HSF5: variants seen among roughly 807,000 people sequenced by gnomAD.
HSF5 encodes heat shock transcription factor 5.
A neutral mutation model predicts 50.8 loss-of-function variants in HSF5; 5 were observed. That is an observed-to-expected ratio of 0.10 (90% CI 0.05 to 0.21). The LOEUF (loss-of-function observed/expected upper bound fraction) is 0.21, where lower values mean the gene tolerates loss of function less well. HSF5 is among the 10% of genes least tolerant of loss of function. HSF5 has a pLI of 1.00. For missense variants in HSF5, 564 were observed against 762.6 expected, an observed-to-expected ratio of 0.74 and a Z score of 3.07; for synonymous variants, 307 against 307.4, an observed-to-expected ratio of 1.00 and a Z score of 0.02.
chr17:58,464,596 T>C (rs546242211), intron 3 of HSF5, among the ~76,000 whole-genome samples: 1 of 152,340 alleles, frequency 6.6e-6, no homozygotes, highest in East Asian at 1.9e-4. Flanking sequence ...TGCTTATTGC[T>C]ATTTTCCTAT....
chr17:58,466,937 C>T lies in HSF5; in HGVS notation c.968G>A (p.Ser323Asn), dbSNP rs757858300. The T allele has an allele frequency of 1.1e-5, 17 of 1,612,138 alleles. No homozygotes were observed. The highest frequency in any genetic ancestry group is 3.4e-6 in the Non-Finnish European group (4 of 1,178,332). Reference protein sequence around the residue: ...CCSPTHMDALSSCVTPTASSY... With the variant: ...CCSPTHMDALNSCVTPTASSY... ...AGAGGCAGTGGGAGTGACACAACTA[C>T]TTAGAGCATCCATGTGGGTAGGAGA... The change falls in exon 3 of 6, where the codon AGT (serine) becomes AAT (asparagine). Residue 323 changes from serine (S) to asparagine (N), a missense_variant. Coordinates refer to ENST00000323777, the MANE Select transcript of HSF5 (RefSeq NM_001080439.3).
At chr17:58,477,305 A>T (rs1237608602) in intron 2 of HSF5, among the ~76,000 whole-genome samples, 2 of 151,076 alleles carry the variant, frequency 1.3e-5, no homozygotes, top group African/African-American at 4.9e-5. Context: ...TTTTTTTGGT[A>T]GAGACGGGGT....
chr17:58,475,281 A>G (rs1974997684), intron 2 of HSF5, among the ~76,000 whole-genome samples: 1 of 152,260 alleles, frequency 6.6e-6, no homozygotes, highest in Non-Finnish European at 1.5e-5. Context: ...CACCAGATTT[A>G]TAATTTTGTT....
chr17:58,458,789 A>G lies in HSF5; in HGVS notation c.1699T>C (p.Ser567Pro), dbSNP rs746483513. Residue 567 changes from serine (S) to proline (P), a missense_variant, in exon 5 of 6, where the codon TCA (serine) becomes CCA (proline). By Grantham distance (74) the Ser-to-Pro change is moderately conservative. Around this residue, in one of 5 missense-constraint regions of HSF5, gnomAD observed 441 missense variants for 533.6 expected, o/e 0.83. Coordinates refer to ENST00000323777, the MANE Select transcript of HSF5 (RefSeq NM_001080439.3). ...TTACCAGGGGACTTTCCTTGTTGTG[A>G]GTTGCTTCTGTGCTCTCTGTATCTG... Reference protein sequence around the residue: ...PARYREHRSNSQQGKSPDLHL... With the variant: ...PARYREHRSNPQQGKSPDLHL... The G allele has an allele frequency of 6.2e-6, 10 of 1,612,324 alleles. No homozygotes were observed. In the South Asian group the frequency reaches 1.1e-4, roughly 18 times the overall value.
intron 2 of HSF5, chr17:58,476,733 T>C: frequency 6.3e-7 from 1 of 1,595,770 alleles, no homozygotes; most frequent in Non-Finnish European, 8.6e-7. Flanking sequence ...CGATCAATTC[T>C]GATCTCTTCT....
chr17:58,465,659 C>T (rs1974856026), intron 3 of HSF5, among the ~76,000 whole-genome samples: 1 of 151,946 alleles, frequency 6.6e-6, no homozygotes, highest in Admixed American at 6.6e-5. Context: ...TTTTGAGTAC[C>T]CTAATGCCAC....
rs867444693 is a variant in HSF5, at chr17:58,488,091, T to C, written c.184A>G (p.Thr62Ala). 1.9e-6 allele frequency: 3 copies of C among 1,566,786 alleles called. No homozygotes were observed. The highest frequency in any genetic ancestry group is 2.6e-6 in the Non-Finnish European group (3 of 1,161,416). The part of the protein sequence containing the change: ...SPPGPGGGGG[T>A]AGAGAEPELF... ...TCGGGCTCGGCCCCGGCCCCCGCAG[T>C]CCCGCCACCGCCCCCCGGCCCGGGC... The change falls in exon 1 of 6, where the codon ACT becomes GCT. Residue 62 changes from threonine to alanine, a missense_variant. Coordinates refer to ENST00000323777, the MANE Select transcript of HSF5 (RefSeq NM_001080439.3). This position sits in a 1 kb window ranked among gnomAD's most constrained non-coding sequence, Gnocchi z 4.1.
chr17:58,439,961 G>A (rs1255452145), intron 5 of HSF5, among the ~76,000 whole-genome samples: 2 of 151,656 alleles, frequency 1.3e-5, no homozygotes, highest in Non-Finnish European at 1.5e-5. Context: ...AGGAAAAATG[G>A]AAGGGTAAAG....
Position 58,458,790 on chromosome 17 carries a change from G to C in HSF5, c.1698C>G (p.Asn566Lys). The change falls in exon 5 of 6, where the codon AAC becomes AAG. Residue 566 changes from asparagine (N) to lysine (K), a missense_variant. By Grantham distance (94) the Asn-to-Lys change is moderately conservative. Transcript: ENST00000323777. The part of the protein sequence containing the change: ...TPARYREHRS[N>K]SQQGKSPDLH... ...TACCAGGGGACTTTCCTTGTTGTGA[G>C]TTGCTTCTGTGCTCTCTGTATCTGG... 6.2e-7 allele frequency: 1 copy of C among 1,612,620 alleles called. No homozygotes were observed.
chr17:58,459,002 T>A, intron 4 of HSF5, 57 bp from the exon 5 acceptor site: 1 of 1,464,810 alleles, frequency 6.8e-7, no homozygotes. Flanking sequence ...TGCTAAAAGT[T>A]AAGATATTTT....
At position 58,422,318 on chromosome 17, in the gene HSF5, C is replaced by T. The variant is rs775222599; in HGVS notation, c.*42G>A. The T allele has an allele frequency of 7.0e-7, 1 of 1,421,174 alleles. No individual in the cohort carries two copies. Among genetic ancestry groups the T allele is most frequent in the African/African-American group, 1.4e-5 (1 of 71,160 alleles). The allele number at this position is 1,421,174 out of a possible 1,614,324, so 88.0% of individuals were successfully genotyped here. The stretch of plus-strand genomic sequence containing the variant: ...GTCATGTGCAAGGCTAGTCTGCCTC[C>T]AGCTACAGCTAGTGCACAATGTCAC... On this transcript the variant is annotated 3_prime_UTR_variant, in exon 6 of 6. Coordinates refer to ENST00000323777, the MANE Select transcript of HSF5 (RefSeq NM_001080439.3).
At position 58,420,618 on chromosome 17, in the gene HSF5, G is replaced by C. The variant is rs892043720; in HGVS notation, c.*1742C>G. 6.6e-6 allele frequency: 1 copy of C among 152,120 alleles called. No individual in the cohort carries two copies. Among genetic ancestry groups the C allele is most frequent in the African/African-American group, 2.4e-5 (1 of 41,410 alleles). 9.4% of individuals were successfully genotyped at this position (152,120 alleles called of 1,614,324 possible). A position where few individuals can be genotyped will look rare whatever the true frequency, so the allele number is the denominator to read the frequency against. ...TTCAACATGACAGAGAAAAAGCAAA[G>C]TTCCTTCATTTGGAAATTGGGTCTC... On this transcript the variant is annotated 3_prime_UTR_variant, in exon 6 of 6. Transcript: ENST00000323777.
chr17:58,480,382 G>A (rs1485516262), intron 1 of HSF5, 115 bp from the exon 2 acceptor site: 1 of 975,304 alleles, frequency 1.0e-6, no homozygotes. Flanking sequence ...TAACACAACA[G>A]AAGTTTAGGT....
At chr17:58,425,852 G>C (rs1974291076) in intron 5 of HSF5, among the ~76,000 whole-genome samples, 1 of 152,118 alleles carries the variant, frequency 6.6e-6, no homozygotes, top group South Asian at 2.1e-4. Context: ...CTGCATATTG[G>C]AATCACCTGG....
chr17:58,420,595 C>T lies in HSF5; in HGVS notation c.*1765G>A, dbSNP rs1974217513. On this transcript the variant is annotated 3_prime_UTR_variant, in exon 6 of 6. Coordinates refer to ENST00000323777, the MANE Select transcript of HSF5 (RefSeq NM_001080439.3). ...AAATCTACACAGTATATTAGCTCTTCAACATGACAGAGAAAAAGCAAAGTT... is the reference window on the plus strand; with the variant it reads ...AAATCTACACAGTATATTAGCTCTTTAACATGACAGAGAAAAAGCAAAGTT... The T allele has an allele frequency of 1.3e-5, 2 of 152,124 alleles. No homozygotes were observed. Among genetic ancestry groups the T allele is most frequent in the South Asian group, 4.1e-4 (2 of 4,830 alleles). The allele number at this position is 152,124 out of a possible 1,614,324, so 9.4% of individuals were successfully genotyped here. A position where few individuals can be genotyped will look rare whatever the true frequency, so the allele number is the denominator to read the frequency against.
rs556236371 is a variant in HSF5, at chr17:58,450,535, C to T, written c.1720+8233G>A. ...TTGGGAGGCTGAGGCAGGTGGATCA[C>T]CTGAGGTCGGGAGTTCGAGACCAGC... On this transcript the variant is annotated intron_variant, in intron 5 of 5. Transcript: ENST00000323777. 2.0e-5 allele frequency among the ~76,000 whole-genome samples: 3 copies of T among 151,666 alleles called. No individual in the cohort carries two copies. The South Asian group carries it at 6.3e-4, about 32-fold the overall frequency.
At chr17:58,461,400 A>G (rs928868802) in intron 4 of HSF5, among the ~76,000 whole-genome samples, 8 of 152,152 alleles carry the variant, frequency 5.3e-5, no homozygotes, top group Non-Finnish European at 7.4e-5. Context: ...GAGCTAAAAA[A>G]GGCTGCAAAA....
chr17:58,441,557 T>A (rs1377751486), intron 5 of HSF5, among the ~76,000 whole-genome samples: 1 of 151,664 alleles, frequency 6.6e-6, no homozygotes, highest in Non-Finnish European at 1.5e-5. Context: ...ATGGAAAAAA[T>A]TAACAAATAC....
At chr17:58,487,570 A>G (rs1975202918) in intron 1 of HSF5, among the ~76,000 whole-genome samples, 155 bp downstream of exon 1, 2 of 151,888 alleles carry the variant, frequency 1.3e-5, no homozygotes, top group South Asian at 4.1e-4. Flanking sequence ...CGGTGGCGGG[A>G]CCGCCAGTCT....
Sources: allele counts gnomAD v4.1 joint callset (sites outside exome capture counted in the v4.1 genomes callset), GRCh38; gene constraint gnomAD v4.1.1; regional missense constraint gnomAD v4.1.1; non-coding constraint Gnocchi (gnomAD v3.1); transcripts MANE v1.5; gene names NCBI Gene and HGNC (gene_info 2026-07-23, HGNC 2026-07-21).